The following KCNQ5 variants were observed in gnomAD, a reference collection of about 807,000 sequenced individuals.
The protein encoded by KCNQ5 is potassium voltage-gated channel subfamily Q member 5.
Under a neutral mutation model 98.2 loss-of-function variants are expected in KCNQ5, and 30 were observed. That is an observed-to-expected ratio of 0.31 (90% CI 0.23 to 0.41). KCNQ5 has a LOEUF of 0.41. KCNQ5 is among the 10% of genes least tolerant of loss of function. The pLI is 1.00. For missense variants in KCNQ5, 835 were observed against 1,182.5 expected (o/e 0.71, Z 4.31); for synonymous variants, 458 against 449.4 (o/e 1.02, Z -0.24).
At chr6:73,089,608 T>C (rs1008061888) in intron 5 of KCNQ5, among the ~76,000 whole-genome samples, 3 of 152,178 alleles carry the variant, frequency 2.0e-5, no homozygotes, top group African/African-American at 7.2e-5. Context: ...GACATTCTTA[T>C]GCCTTTGCAT....
At position 73,003,897 on chromosome 6, in the gene KCNQ5, T is replaced by C; in HGVS notation, c.399-11T>C. ...GGTTCTTATCAGATTTCTCTTTTTGTTGTTTTACAGTTTTCTCCTTGTCTT... is the reference window on the plus strand; with the variant it reads ...GGTTCTTATCAGATTTCTCTTTTTGCTGTTTTACAGTTTTCTCCTTGTCTT... On this transcript the variant is annotated splice_polypyrimidine_tract_variant and intron_variant, in intron 1 of 13. Coordinates refer to ENST00000370398, the MANE Select transcript of KCNQ5 (RefSeq NM_019842.4). The C allele has an allele frequency of 6.3e-7, 1 of 1,577,336 alleles. No homozygotes were observed. The highest frequency in any genetic ancestry group is 1.3e-5 in the African/African-American group (1 of 74,090).
chr6:73,043,542 C>T (rs1284167484), intron 3 of KCNQ5, among the ~76,000 whole-genome samples: 1 of 152,168 alleles, frequency 6.6e-6, no homozygotes, highest in African/African-American at 2.4e-5. Context: ...ATTCTCTACT[C>T]AGGCAGCATT....
chr6:73,039,426 G>A (rs1278664331), intron 2 of KCNQ5, among the ~76,000 whole-genome samples: 1 of 151,868 alleles, frequency 6.6e-6, no homozygotes, highest in Admixed American at 6.6e-5. Context: ...ATTAATATGA[G>A]AACTTTCTTC....
intron 1 of KCNQ5, among the ~76,000 whole-genome samples, chr6:72,996,640 C>T (rs796486930): frequency 2.6e-5 from 4 of 152,200 alleles, no homozygotes; most frequent in African/African-American, 7.2e-5. Context: ...TTTTTTGAAA[C>T]CAAACTTTTG....
Position 73,077,862 on chromosome 6 carries a change from A to T in KCNQ5, c.893A>T (p.Tyr298Phe). Reference sequence around the variant, plus strand: ...GATGCCAATAAAGAGTTTTCTACATATGCAGATGCTCTCTGGTGGGGCACA... The same window carrying T: ...GATGCCAATAAAGAGTTTTCTACATTTGCAGATGCTCTCTGGTGGGGCACA... ...EKDANKEFST[Y>F]ADALWWGTIT... is the part of the protein sequence containing the mutation. The change falls in exon 5 of 14, where the codon TAT becomes TTT. Residue 298 changes from tyrosine to phenylalanine, a missense_variant. Physicochemically the swap from Tyr to Phe is conservative, Grantham distance 22. Transcript: ENST00000370398. 6.2e-7 allele frequency: 1 copy of T among 1,611,206 alleles called. No homozygotes were observed. Among genetic ancestry groups the T allele is most frequent in the Non-Finnish European group, 8.5e-7 (1 of 1,178,556 alleles).
intron 2 of KCNQ5, among the ~76,000 whole-genome samples, chr6:73,027,288 C>T (rs1408028263): frequency 6.6e-6 from 1 of 152,204 alleles, no homozygotes; most frequent in Non-Finnish European, 1.5e-5. Context: ...CCTTCTGGTC[C>T]AGCTTGTCAT....
In KCNQ5 at chr6:72,622,605, CT is replaced by C; in HGVS notation, c.398+19del. 1 of 1,611,334 alleles carries C rather than the reference CT, an allele frequency of 6.2e-7. No homozygotes were observed. Among genetic ancestry groups the C allele is most frequent in the Non-Finnish European group, 8.5e-7 (1 of 1,179,050 alleles). On this transcript the variant is annotated intron_variant, in intron 1 of 13. Transcript: ENST00000370398. The surrounding 1 kb of genome is among the most constrained non-coding windows in gnomAD (Gnocchi z 6.0). ...GCTTTCGTGTGAGTACCCGCGCCCC[CT>C]GCTATGCCCGCTGCAGGGGACCACT...
chr6:72,845,739 G>A (rs1461498778), intron 1 of KCNQ5, among the ~76,000 whole-genome samples: 1 of 152,152 alleles, frequency 6.6e-6, no homozygotes, highest in African/African-American at 2.4e-5. Context: ...GCATATTAAA[G>A]TGGTGTTTAT....
At chr6:72,636,676 T>C (rs2098924336) in intron 1 of KCNQ5, among the ~76,000 whole-genome samples, 1 of 152,194 alleles carries the variant, frequency 6.6e-6, no homozygotes, top group African/African-American at 2.4e-5. Flanking sequence ...GTTTGTTTAA[T>C]AACCTGACCT....
In KCNQ5 at chr6:73,111,379, G is replaced by A. The variant is rs1775234356; in HGVS notation, c.1101G>A (p.Arg367=). ...QHRQKHFEKR[R]NPAANLIQCV... ...GCCAGAAACACTTTGAGAAAAGAAGGAACCCAGCTGCCAACCTCATTCAGG... is the reference window on the plus strand; with the variant it reads ...GCCAGAAACACTTTGAGAAAAGAAGAAACCCAGCTGCCAACCTCATTCAGG... The change falls in exon 7 of 14, where the codon AGG becomes AGA. Residue 367 remains arginine, a synonymous_variant. Transcript: ENST00000370398. The A allele has an allele frequency of 6.2e-7, 1 of 1,610,332 alleles. No homozygotes were observed. Among genetic ancestry groups the A allele is most frequent in the Non-Finnish European group, 8.5e-7 (1 of 1,178,928 alleles).
At chr6:73,085,268 T>C (rs1189372847) in intron 5 of KCNQ5, among the ~76,000 whole-genome samples, 1 of 152,180 alleles carries the variant, frequency 6.6e-6, no homozygotes, top group Non-Finnish European at 1.5e-5. Flanking sequence ...GCTATCTTTC[T>C]GTTCACATCA....
At chr6:73,111,106 T>C (rs1775225755) in intron 6 of KCNQ5, among the ~76,000 whole-genome samples, 1 of 152,264 alleles carries the variant, frequency 6.6e-6, no homozygotes, top group Non-Finnish European at 1.5e-5. Flanking sequence ...TTGTATCTCC[T>C]GGCAGTATTG....
intron 11 of KCNQ5, among the ~76,000 whole-genome samples, chr6:73,184,351 C>A (rs1198124591): frequency 6.6e-6 from 1 of 152,148 alleles, no homozygotes; most frequent in African/African-American, 2.4e-5. Flanking sequence ...GTGAACATTT[C>A]TTTTACTTTA....
intron 1 of KCNQ5, among the ~76,000 whole-genome samples, chr6:72,884,536 A>G (rs141008737): frequency 6.6e-6 from 1 of 152,244 alleles, no homozygotes; most frequent in East Asian, 1.9e-4. Context: ...TTTCCTTTTG[A>G]TGTGTTCAAG....
intron 1 of KCNQ5, among the ~76,000 whole-genome samples, chr6:72,810,940 A>G (rs1000326280): frequency 2.0e-5 from 3 of 152,200 alleles, no homozygotes; most frequent in African/African-American, 7.2e-5. Flanking sequence ...AGATGCTAAG[A>G]ATACCCTGTG....
chr6:73,114,381 T>A, intron 7 of KCNQ5, among the ~76,000 whole-genome samples: 1 of 152,222 alleles, frequency 6.6e-6, no homozygotes, highest in East Asian at 1.9e-4. Context: ...GCTTCATCAT[T>A]TGGTTGGTGA....
At chr6:72,720,674 T>G (rs1769909391) in intron 1 of KCNQ5, among the ~76,000 whole-genome samples, 1 of 152,188 alleles carries the variant, frequency 6.6e-6, no homozygotes, top group South Asian at 2.1e-4. Flanking sequence ...ATTACTATAT[T>G]CATAAAACTC....
At chr6:72,903,754 G>T (rs759270716) in intron 1 of KCNQ5, among the ~76,000 whole-genome samples, 11 of 152,060 alleles carry the variant, frequency 7.2e-5, no homozygotes, top group Non-Finnish European at 1.3e-4. Flanking sequence ...CCTATGATAT[G>T]GTCTATCTTG....
intron 1 of KCNQ5, among the ~76,000 whole-genome samples, chr6:72,671,838 A>T (rs760126222): frequency 1.3e-5 from 2 of 151,836 alleles, no homozygotes; most frequent in East Asian, 1.9e-4. Flanking sequence ...CTTTTTTGAG[A>T]TGGAGTCTCG....
Sources: allele counts gnomAD v4.1 joint callset (sites outside exome capture counted in the v4.1 genomes callset), GRCh38; gene constraint gnomAD v4.1.1; non-coding constraint Gnocchi (gnomAD v3.1); transcripts MANE v1.5; gene names NCBI Gene and HGNC (gene_info 2026-07-23, HGNC 2026-07-21).